The following GRID2 variants were observed in gnomAD, a reference collection of about 807,000 sequenced individuals.
GRID2 encodes the protein glutamate receptor ionotropic, delta-2.
GRID2 carries 33 observed loss-of-function variants against 114.8 expected under a neutral mutation model. That is an observed-to-expected ratio of 0.29 (90% confidence interval 0.22 to 0.38). The LOEUF (loss-of-function observed/expected upper bound fraction) is 0.38, where lower values mean the gene tolerates loss of function less well. GRID2 is among the 10% of genes least tolerant of loss of function. GRID2 has a pLI of 1.00. For synonymous variants in GRID2, 505 were observed against 449.9 expected, an observed-to-expected ratio of 1.12 and a Z score of -1.55; for missense variants, 1,184 against 1,257.7, an observed-to-expected ratio of 0.94 and a Z score of 0.89.
At chr4:92,541,725 A>G (rs1725971026) in intron 1 of GRID2, among the ~76,000 whole-genome samples, 2 of 152,152 alleles carry the variant, frequency 1.3e-5, no homozygotes, top group Admixed American at 1.3e-4. Flanking sequence ...TGATTAAATG[A>G]TGATAGTGTT....
chr4:93,157,850 A>G (rs149152723), intron 4 of GRID2, among the ~76,000 whole-genome samples: 19 of 151,882 alleles, frequency 1.3e-4, no homozygotes, highest in Middle Eastern at 3.4e-3. Context: ...ACTGATAGGC[A>G]TACATATTAT....
intron 2 of GRID2, chr4:92,822,421 C>G: frequency 1.8e-6 from 1 of 552,382 alleles, no homozygotes; most frequent in South Asian, 1.5e-5. Context: ...CCAGCTTGTC[C>G]CAGCTACAGA....
At chr4:93,055,733 G>T (rs908768548) in intron 2 of GRID2, among the ~76,000 whole-genome samples, 1 of 151,586 alleles carries the variant, frequency 6.6e-6, no homozygotes, top group African/African-American at 2.4e-5. Context: ...TTTGTCTCTG[G>T]AAGTAAAAAA....
chr4:92,326,053 A>C (rs546340165), intron 1 of GRID2, among the ~76,000 whole-genome samples: 4 of 151,942 alleles, frequency 2.6e-5, no homozygotes, highest in African/African-American at 9.6e-5. Context: ...ATAGAGGGAG[A>C]TAGAAGTTAC....
intron 2 of GRID2, among the ~76,000 whole-genome samples, chr4:92,685,077 A>T (rs943359288): frequency 1.3e-5 from 2 of 152,102 alleles, no homozygotes; most frequent in Non-Finnish European, 2.9e-5. Context: ...GTTAACTCGT[A>T]AATTTATTTT....
At chr4:92,477,670 A>G (rs1237548117) in intron 1 of GRID2, among the ~76,000 whole-genome samples, 2 of 150,694 alleles carry the variant, frequency 1.3e-5, no homozygotes, top group Non-Finnish European at 3.0e-5. Flanking sequence ...TTTTAAAGAG[A>G]TAAATACTGT....
rs904526396 is a variant in GRID2, at chr4:93,166,729, C to T, written c.736-40675C>T. Among the ~76,000 whole-genome samples the T allele has an allele frequency of 3.3e-5, 5 of 152,074 alleles. No individual in the cohort carries two copies. The East Asian group carries it at 9.7e-4, about 29-fold the overall frequency. ...CTTGTCAGACATGAGAAGGAAGAAC[C>T]TGGGGAACCACCCTTAATGTCTGTT... On this transcript the variant is annotated intron_variant, in intron 4 of 15. Coordinates refer to ENST00000282020, the MANE Select transcript of GRID2 (RefSeq NM_001510.4).
chr4:93,612,910 C>T (rs1578396230), intron 13 of GRID2, among the ~76,000 whole-genome samples: 1 of 146,252 alleles, frequency 6.8e-6, no homozygotes, highest in Middle Eastern at 3.5e-3. Context: ...AGAGTGTTTT[C>T]CAACTTGGTT....
At chr4:92,941,542 G>A (rs915325369) in intron 2 of GRID2, among the ~76,000 whole-genome samples, 7 of 151,972 alleles carry the variant, frequency 4.6e-5, no homozygotes, top group Admixed American at 1.3e-4. Context: ...TTGATTTTTT[G>A]AAGGGTTATT....
chr4:92,410,663 A>G (rs1396108020), intron 1 of GRID2, among the ~76,000 whole-genome samples: 1 of 152,110 alleles, frequency 6.6e-6, no homozygotes, highest in Admixed American at 6.6e-5. Context: ...TGTGATCTTG[A>G]GCCTCTCTTA....
intron 2 of GRID2, among the ~76,000 whole-genome samples, chr4:92,945,449 A>C (rs1382551728): frequency 1.3e-5 from 2 of 152,158 alleles, no homozygotes; most frequent in Non-Finnish European, 2.9e-5. Flanking sequence ...GAAAGTCTAG[A>C]AAAATGTGGC....
At chr4:92,856,444 C>A (rs920342813) in intron 2 of GRID2, among the ~76,000 whole-genome samples, 2 of 152,142 alleles carry the variant, frequency 1.3e-5, no homozygotes, top group East Asian at 1.9e-4. Context: ...CCTCTAATGG[C>A]AACTGCACCT....
intron 1 of GRID2, among the ~76,000 whole-genome samples, chr4:92,426,683 T>G (rs59478298): frequency 0.03 from 4,611 of 152,226 alleles, 222 homozygotes; most frequent in African/African-American, 0.1. Flanking sequence ...TTCCTTTGAT[T>G]TGTTGAAAAA....
At chr4:92,828,566 G>T (rs766920498) in intron 2 of GRID2, among the ~76,000 whole-genome samples, 5 of 151,990 alleles carry the variant, frequency 3.3e-5, no homozygotes, top group Non-Finnish European at 5.9e-5. Context: ...TTGCTTTATA[G>T]CCCTGAAGAA....
chr4:92,584,300 A>C (rs1472262824), intron 1 of GRID2, among the ~76,000 whole-genome samples: 2 of 152,040 alleles, frequency 1.3e-5, no homozygotes, highest in Non-Finnish European at 2.9e-5. Flanking sequence ...GTAGATGAAA[A>C]AAATGTTATA....
Position 93,385,821 on chromosome 4 carries a change from A to G in GRID2, c.1246-9786A>G, listed in dbSNP as rs572761004. Reference sequence around the variant, plus strand: ...ATTTCATTTTCAGATCGAGAAACTAAGGTTTTTAAAAAACTGATTTTACTG... The same window carrying G: ...ATTTCATTTTCAGATCGAGAAACTAGGGTTTTTAAAAAACTGATTTTACTG... On this transcript the variant is annotated intron_variant, in intron 8 of 15. Transcript: ENST00000282020. Among the ~76,000 whole-genome samples the G allele has an allele frequency of 6.6e-3, 1,011 of 152,280 alleles. 8 individuals carry two copies. Among genetic ancestry groups the G allele is most frequent in the Non-Finnish European group, 0.011 (772 of 68,006 alleles).
At chr4:92,505,471 T>C (rs1453771828) in intron 1 of GRID2, among the ~76,000 whole-genome samples, 1 of 151,748 alleles carries the variant, frequency 6.6e-6, no homozygotes, top group Non-Finnish European at 1.5e-5. Flanking sequence ...CCTGTTCTTA[T>C]TCTTAAGCAT....
At chr4:92,918,037 T>C (rs1748961167) in intron 2 of GRID2, among the ~76,000 whole-genome samples, 1 of 152,176 alleles carries the variant, frequency 6.6e-6, no homozygotes, top group South Asian at 2.1e-4. Context: ...TGAGCACTGG[T>C]TTGTAGTTCT....
chr4:93,163,757 G>A (rs1220658791), intron 4 of GRID2, among the ~76,000 whole-genome samples: 2 of 151,780 alleles, frequency 1.3e-5, no homozygotes, highest in African/African-American at 2.4e-5. Context: ...GGTAGGAGTG[G>A]CTACTAGTCT....
Sources: allele counts gnomAD v4.1 joint callset (sites outside exome capture counted in the v4.1 genomes callset), GRCh38; gene constraint gnomAD v4.1.1; transcripts MANE v1.5; gene names NCBI Gene and HGNC (gene_info 2026-07-23, HGNC 2026-07-21).